PRICKLE2: variants seen among roughly 807,000 people sequenced by gnomAD.
The protein encoded by PRICKLE2 is prickle-like protein 2.
A neutral mutation model predicts 81.4 loss-of-function variants in PRICKLE2; 21 were observed. That is an observed-to-expected ratio of 0.26 (90% CI 0.18 to 0.37). The LOEUF is 0.37. Ranked by LOEUF, PRICKLE2 falls within the 10% of genes least tolerant of loss-of-function variation. The probability of loss-of-function intolerance (pLI) is 1.00; values close to 1 mark genes in which losing one functional copy is unlikely to be tolerated. For synonymous variants in PRICKLE2, 456 were observed against 421.5 expected (o/e 1.08, Z -1.00); for missense variants, 940 against 1,109.0 (o/e 0.85, Z 2.16).
At position 64,159,965 on chromosome 3, in the gene PRICKLE2, G is replaced by C; in HGVS notation, c.371C>G (p.Thr124Ser). 1 of 1,614,126 alleles carries C rather than the reference G, an allele frequency of 6.2e-7. No individual in the cohort carries two copies. Among genetic ancestry groups the C allele is most frequent in the Non-Finnish European group, 8.5e-7 (1 of 1,180,026 alleles). The change falls in exon 4 of 8, where the codon ACC becomes AGC. Residue 124 changes from threonine (T) to serine (S), a missense_variant. Transcript: ENST00000638394. ...CTGTTCACAAATAGCTCCTGTCATG[G>C]TGACTGGGAAAGGCCTGACATTCCC... Reference protein sequence around the residue: ...GRGNVRPFPVTMTGAICEQCG... With the variant: ...GRGNVRPFPVSMTGAICEQCG...
intron 7 of PRICKLE2, among the ~76,000 whole-genome samples, chr3:64,136,408 TTC>T: frequency 6.7e-6 from 1 of 150,166 alleles, no homozygotes; most frequent in Non-Finnish European, 1.5e-5. Flanking sequence ...CCCTGAGAGA[TTC>T]TGTTTGTGGG....
At chr3:64,142,456 A>T (rs971706591) in intron 7 of PRICKLE2, among the ~76,000 whole-genome samples, 1 of 151,872 alleles carries the variant, frequency 6.6e-6, no homozygotes, top group Non-Finnish European at 1.5e-5. Flanking sequence ...AACTACAGTC[A>T]TGCACCACCA....
intron 5 of PRICKLE2, among the ~76,000 whole-genome samples, chr3:64,156,701 A>AG: frequency 6.6e-6 from 1 of 152,200 alleles, no homozygotes; most frequent in East Asian, 1.9e-4. Context: ...TATAAACTGT[A>AG]GAAAAATCAA....
chr3:64,162,951 G>A, intron 3 of PRICKLE2, 65 bp downstream of exon 3: 2 of 1,033,222 alleles, frequency 1.9e-6, no homozygotes, highest in Non-Finnish European at 3.1e-6. Context: ...GGCAGATTAT[G>A]AAAAAGGTAA....
intron 2 of PRICKLE2, among the ~76,000 whole-genome samples, chr3:64,256,080 C>T (rs2079520281): frequency 6.6e-6 from 1 of 152,122 alleles, no homozygotes; most frequent in African/African-American, 2.4e-5. Flanking sequence ...CAAATAAAGG[C>T]TTGACTCATT....
chr3:64,109,244 A>C (rs1426578543), intron 7 of PRICKLE2, among the ~76,000 whole-genome samples: 1 of 152,024 alleles, frequency 6.6e-6, no homozygotes, highest in Non-Finnish European at 1.5e-5. Context: ...GGGAACTCTA[A>C]AAGTTATTTT....
intron 7 of PRICKLE2, among the ~76,000 whole-genome samples, chr3:64,114,027 C>T (rs527883685): frequency 3.9e-5 from 6 of 152,242 alleles, no homozygotes; most frequent in Non-Finnish European, 7.3e-5. Context: ...CTCCAAATGT[C>T]GCAGAGCCAG....
Position 64,094,456 on chromosome 3 carries a change from A to G in PRICKLE2, c.*4595T>C, listed in dbSNP as rs886058782. 6.6e-6 allele frequency: 1 copy of G among 152,220 alleles called. No individual in the cohort carries two copies. Among genetic ancestry groups the G allele is most frequent in the African/African-American group, 2.4e-5 (1 of 41,456 alleles). 9.4% of individuals were successfully genotyped at this position (152,220 alleles called of 1,614,324 possible). On this transcript the variant is annotated 3_prime_UTR_variant, in exon 8 of 8. Transcript: ENST00000638394. The stretch of plus-strand genomic sequence containing the variant: ...GAACAAGCAGATTTTTCTCTATCCT[A>G]TGGATTCATCGTATTCAAAACACAG...
intron 2 of PRICKLE2, among the ~76,000 whole-genome samples, chr3:64,192,890 A>G (rs556358225): frequency 6.6e-6 from 1 of 152,366 alleles, no homozygotes; most frequent in East Asian, 1.9e-4. Flanking sequence ...GGAGCATCCA[A>G]AACATCAATG....
chr3:64,143,767 C>T (rs1386416893), intron 7 of PRICKLE2, among the ~76,000 whole-genome samples: 3 of 152,172 alleles, frequency 2.0e-5, no homozygotes, highest in Non-Finnish European at 4.4e-5. Context: ...TGCAGGTGGT[C>T]TAGCTTTGAG....
At chr3:64,126,671 A>G (rs2077112036) in intron 7 of PRICKLE2, among the ~76,000 whole-genome samples, 1 of 152,056 alleles carries the variant, frequency 6.6e-6, no homozygotes, top group Non-Finnish European at 1.5e-5. Context: ...TCCGCCTCCC[A>G]GGTACAAGCT....
chr3:64,232,139 C>G (rs2079113845), intron 2 of PRICKLE2, among the ~76,000 whole-genome samples: 2 of 152,154 alleles, frequency 1.3e-5, no homozygotes, highest in African/African-American at 4.8e-5. Flanking sequence ...GACTCTCATT[C>G]TGGTTCACAG....
Position 64,092,828 on chromosome 3 carries a change from C to T in PRICKLE2, c.*6223G>A, listed in dbSNP as rs1051488291. On this transcript the variant is annotated 3_prime_UTR_variant, in exon 8 of 8. Transcript: ENST00000638394. ...ATGCATTGAAACCAGTGGTTCTCAA[C>T]AGGGAGACATTGACAATGTGTGGAG... 1 of 152,192 alleles carries T rather than the reference C, an allele frequency of 6.6e-6. No individual in the cohort carries two copies. Among genetic ancestry groups the T allele is most frequent in the Admixed American group, 6.5e-5 (1 of 15,280 alleles). 9.4% of individuals were successfully genotyped at this position (152,192 alleles called of 1,614,324 possible).
At position 64,208,860 on chromosome 3, in the gene PRICKLE2, G is replaced by A. The variant is rs141269395; in HGVS notation, c.-40-9893C>T. Among the ~76,000 whole-genome samples, 3 of 152,162 alleles carry A rather than the reference G, an allele frequency of 2.0e-5. No homozygotes were observed. The East Asian group carries it at 5.8e-4, about 29-fold the overall frequency. On this transcript the variant is annotated intron_variant, in intron 1 of 7. Transcript: ENST00000638394. ...AGTGCTTTCTCCTACCTTGTTTTAG[G>A]TACAGTGTCAAAATATTCCTTCTCT... is the stretch of plus-strand genomic sequence containing the variant.
intron 2 of PRICKLE2, among the ~76,000 whole-genome samples, chr3:64,248,744 A>T (rs2079397473): frequency 6.6e-6 from 1 of 152,116 alleles, no homozygotes; most frequent in Non-Finnish European, 1.5e-5. Context: ...CCTAATGAAC[A>T]TTCTTTGGAA....
chr3:64,118,126 G>A (rs1267034093), intron 7 of PRICKLE2, among the ~76,000 whole-genome samples: 1 of 152,146 alleles, frequency 6.6e-6, no homozygotes, highest in African/African-American at 2.4e-5. Flanking sequence ...TAAATAAATG[G>A]TGCTGGGATA....
chr3:64,192,601 C>A (rs1371490369), intron 2 of PRICKLE2, among the ~76,000 whole-genome samples: 3 of 152,160 alleles, frequency 2.0e-5, no homozygotes. Flanking sequence ...TATTTTACAG[C>A]TTTACAAGGC....
intron 7 of PRICKLE2, among the ~76,000 whole-genome samples, chr3:64,135,867 T>C (rs921714544): frequency 6.6e-6 from 1 of 152,162 alleles, no homozygotes; most frequent in African/African-American, 2.4e-5. Context: ...TATCTTGAAA[T>C]TTTTTACGCA....
intron 7 of PRICKLE2, among the ~76,000 whole-genome samples, chr3:64,139,841 T>C (rs2107001920): frequency 6.6e-6 from 1 of 152,338 alleles, no homozygotes; most frequent in Non-Finnish European, 1.5e-5. Context: ...CTGCCTAGAA[T>C]GACCCTTCCC....
Sources: allele counts gnomAD v4.1 joint callset (sites outside exome capture counted in the v4.1 genomes callset), GRCh38; gene constraint gnomAD v4.1.1; transcripts MANE v1.5; gene names NCBI Gene and HGNC (gene_info 2026-07-23, HGNC 2026-07-21).